Variants in FAM168A observed in about 807,000 individuals in gnomAD.
The protein encoded by FAM168A is protein FAM168A.
Under a neutral mutation model 28.5 loss-of-function variants are expected in FAM168A, and 3 were observed. The observed-to-expected ratio is 0.11, with a 90% confidence interval of 0.05 to 0.27. The LOEUF (loss-of-function observed/expected upper bound fraction) is 0.27. Ranked by LOEUF, FAM168A falls within the 10% of genes least tolerant of loss-of-function variation. FAM168A has a pLI of 1.00. For synonymous variants in FAM168A, 122 were observed against 124.2 expected (o/e 0.98, Z 0.12); for missense variants, 222 against 311.5 (o/e 0.71, Z 2.16).
intron 2 of FAM168A, among the ~76,000 whole-genome samples, chr11:73,454,366 G>A (rs899663595): frequency 6.6e-6 from 1 of 152,160 alleles, no homozygotes; most frequent in East Asian, 1.9e-4. Context: ...TGAAGGCAAG[G>A]GAAATGGGTG....
chr11:73,491,201 T>C (rs1337257987), intron 1 of FAM168A, among the ~76,000 whole-genome samples: 2 of 152,050 alleles, frequency 1.3e-5, no homozygotes, highest in African/African-American at 4.8e-5. Flanking sequence ...TAGGAGCTGA[T>C]GGGAGATGAG....
intron 1 of FAM168A, among the ~76,000 whole-genome samples, chr11:73,479,842 T>C (rs1867944219): frequency 6.6e-6 from 1 of 152,196 alleles, no homozygotes; most frequent in Admixed American, 6.5e-5. Context: ...GATGAATGAA[T>C]GGATGGATGG....
intron 3 of FAM168A, 72 bp downstream of exon 3, chr11:73,430,618 G>A: frequency 7.3e-7 from 1 of 1,379,110 alleles, no homozygotes; most frequent in Non-Finnish European, 1.0e-6. Flanking sequence ...AGGCCAGCAA[G>A]TGGTTTTGCT....
intron 2 of FAM168A, among the ~76,000 whole-genome samples, chr11:73,457,053 T>C (rs1042702267): frequency 2.6e-5 from 4 of 152,204 alleles, no homozygotes; most frequent in African/African-American, 7.2e-5. Context: ...AAATATTGTA[T>C]GATTCTACTT....
intron 1 of FAM168A, among the ~76,000 whole-genome samples, chr11:73,507,329 G>A (rs542248707): frequency 2.1e-4 from 32 of 152,092 alleles, no homozygotes; most frequent in Admixed American, 7.9e-4. Context: ...AAAACAATGT[G>A]AAGTGGTTCA....
At chr11:73,555,654 G>C (rs1943881556) in intron 1 of FAM168A, among the ~76,000 whole-genome samples, 1 of 151,372 alleles carries the variant, frequency 6.6e-6, no homozygotes, top group African/African-American at 2.4e-5. Flanking sequence ...GTTGCAATGA[G>C]CCAAGATCTC....
Position 73,404,107 on chromosome 11 carries a change from T to C in FAM168A, c.*2656A>G, listed in dbSNP as rs1283879810. On this transcript the variant is annotated 3_prime_UTR_variant, in exon 8 of 8. Coordinates refer to ENST00000356467, the MANE Select transcript of FAM168A (RefSeq NM_015159.3). ...TCATCGGGTTAAACCAGATAATTTA[T>C]GTTCAACTGTTCTGTGAACTGTGAG... The C allele has an allele frequency of 6.6e-6, 1 of 152,260 alleles. No homozygotes were observed. The highest frequency in any genetic ancestry group is 2.4e-5 in the African/African-American group (1 of 41,456). 9.4% of individuals were successfully genotyped at this position (152,260 alleles called of 1,614,324 possible).
chr11:73,504,921 G>T (rs1450641969), intron 1 of FAM168A, among the ~76,000 whole-genome samples: 1 of 152,038 alleles, frequency 6.6e-6, no homozygotes, highest in African/African-American at 2.4e-5. Context: ...ACCAAACACT[G>T]CATGTTCTCA....
chr11:73,545,448 A>G (rs563930162), intron 1 of FAM168A, among the ~76,000 whole-genome samples: 2 of 152,160 alleles, frequency 1.3e-5, no homozygotes, highest in South Asian at 4.1e-4. Context: ...GGAGAAGGGG[A>G]CAACAGAGGG....
intron 1 of FAM168A, among the ~76,000 whole-genome samples, chr11:73,477,743 T>C (rs1351726821): frequency 1.3e-5 from 2 of 152,160 alleles, no homozygotes; most frequent in Non-Finnish European, 2.9e-5. Context: ...AACTATCCTT[T>C]GAAACTGAAG....
chr11:73,408,869 A>G (rs1054968310), intron 6 of FAM168A, among the ~76,000 whole-genome samples: 1 of 151,760 alleles, frequency 6.6e-6, no homozygotes, highest in African/African-American at 2.4e-5. Flanking sequence ...CAGGTCCTTA[A>G]GCTCCTGCCT....
chr11:73,471,038 T>C (rs1867806777), intron 1 of FAM168A, among the ~76,000 whole-genome samples: 1 of 152,170 alleles, frequency 6.6e-6, no homozygotes, highest in Middle Eastern at 3.2e-3. Context: ...CCAATCTCAA[T>C]TAATGACTGA....
At chr11:73,587,756 AT>A (rs965437094) in intron 1 of FAM168A, among the ~76,000 whole-genome samples, 78 of 147,906 alleles carry the variant, frequency 5.3e-4, no homozygotes, top group Middle Eastern at 7.0e-3. Context: ...CATTTAAAGC[AT>A]TTTTTTTTTT....
intron 1 of FAM168A, among the ~76,000 whole-genome samples, chr11:73,562,044 G>A (rs1943964930): frequency 6.6e-6 from 1 of 152,130 alleles, no homozygotes; most frequent in Non-Finnish European, 1.5e-5. Flanking sequence ...CCAGGTTCAA[G>A]CAATTCTCCT....
At chr11:73,505,247 A>C (rs1245624112) in intron 1 of FAM168A, among the ~76,000 whole-genome samples, 2 of 150,688 alleles carry the variant, frequency 1.3e-5, no homozygotes, top group African/African-American at 2.5e-5. Context: ...AAAGGAAAAA[A>C]AAAAAAAAGA....
chr11:73,587,086 T>C (rs972699883), intron 1 of FAM168A, among the ~76,000 whole-genome samples: 4 of 150,760 alleles, frequency 2.7e-5, no homozygotes, highest in Admixed American at 1.3e-4. Context: ...AAATACGTCA[T>C]TTTATACTGA....
chr11:73,572,857 C>A (rs1012488418), intron 1 of FAM168A, among the ~76,000 whole-genome samples: 5 of 151,826 alleles, frequency 3.3e-5, no homozygotes, highest in African/African-American at 1.2e-4. Context: ...GTGAGAAACA[C>A]CCAAGAATGA....
At chr11:73,514,469 A>C (rs902296320) in intron 1 of FAM168A, among the ~76,000 whole-genome samples, 1 of 152,216 alleles carries the variant, frequency 6.6e-6, no homozygotes, top group African/African-American at 2.4e-5. Flanking sequence ...AAGAACAGTT[A>C]ATTGTTTCTC....
intron 4 of FAM168A, among the ~76,000 whole-genome samples, chr11:73,418,239 G>A (rs1313842512): frequency 6.6e-6 from 1 of 152,196 alleles, no homozygotes; most frequent in Admixed American, 6.5e-5. Context: ...GTTGGAAATG[G>A]GGCCTGCTGG....
Sources: gnomAD v4.1 joint callset for allele counts (sites outside exome capture counted in the v4.1 genomes callset) on GRCh38, gnomAD v4.1.1 for gene constraint, MANE v1.5 for transcripts, NCBI Gene and HGNC (gene_info 2026-07-23, HGNC 2026-07-21) for gene names.